TSG101: variants seen among roughly 807,000 people sequenced by gnomAD.
TSG101 encodes tumor susceptibility 101.
In TSG101, 19 loss-of-function variants were observed where a neutral mutation model predicts 48.5. That is an observed-to-expected ratio of 0.39 (90% confidence interval 0.27 to 0.58). The LOEUF is 0.58. Ranked by LOEUF, TSG101 falls within the 20% of genes least tolerant of loss-of-function variation. TSG101 has a pLI of 0.55. For synonymous variants in TSG101, 174 were observed against 169.4 expected (o/e 1.03, Z -0.21); for missense variants, 365 against 484.4 (o/e 0.75, Z 2.31).
At chr11:18,499,322 TTA>T (rs1213347031) in intron 7 of TSG101, among the ~76,000 whole-genome samples, 5 of 122,826 alleles carry the variant, frequency 4.1e-5, no homozygotes, top group African/African-American at 1.2e-4. Flanking sequence ...TTATATATAT[TTA>T]TATATTTATA....
chr11:18,502,410 A>G, intron 7 of TSG101, 76 bp downstream of exon 7: 2 of 1,203,144 alleles, frequency 1.7e-6, no homozygotes, highest in Non-Finnish European at 2.4e-6. Context: ...CAAAATTCAC[A>G]AGTGAAATGT....
intron 1 of TSG101, among the ~76,000 whole-genome samples, chr11:18,524,067 C>T (rs1850325332): frequency 6.6e-6 from 1 of 152,324 alleles, no homozygotes; most frequent in Middle Eastern, 3.4e-3. Context: ...ATTGGGATTA[C>T]AGGCATGAGC....
intron 6 of TSG101, among the ~76,000 whole-genome samples, chr11:18,502,870 C>G (rs1364177904): frequency 6.6e-6 from 1 of 152,178 alleles, no homozygotes; most frequent in Non-Finnish European, 1.5e-5. Flanking sequence ...CCAACAGCAT[C>G]AGAAGCAACA....
At chr11:18,511,705 C>T (rs777680591) in intron 4 of TSG101, among the ~76,000 whole-genome samples, 16 of 152,234 alleles carry the variant, frequency 1.1e-4, no homozygotes, top group East Asian at 1.9e-4. Context: ...TATTATTTCA[C>T]GAAGCTATGC....
At chr11:18,519,729 A>C (rs763370355) in intron 1 of TSG101, 126 bp from the exon 2 acceptor site, 22 of 640,756 alleles carry the variant, frequency 3.4e-5, no homozygotes, top group Non-Finnish European at 5.9e-5. Flanking sequence ...GAACCTAAAA[A>C]ACCCATAATA....
intron 1 of TSG101, among the ~76,000 whole-genome samples, chr11:18,523,866 C>A (rs957693432): frequency 2.6e-5 from 4 of 152,174 alleles, no homozygotes; most frequent in Non-Finnish European, 4.4e-5. Flanking sequence ...TCATAGCTCA[C>A]TGTAACCTTG....
chr11:18,522,565 C>A (rs72871768), intron 1 of TSG101, among the ~76,000 whole-genome samples: 14,684 of 152,250 alleles, frequency 0.096, 734 homozygotes, highest in South Asian at 0.13. Flanking sequence ...AGCCTCCTTA[C>A]GTGTCTCTGC....
chr11:18,487,213 GTAAC>G (rs1254793370), intron 7 of TSG101, among the ~76,000 whole-genome samples: 1 of 150,780 alleles, frequency 6.6e-6, no homozygotes, highest in Admixed American at 6.6e-5. Context: ...GTATACATAT[GTAAC>G]TAACCTGCAT....
At chr11:18,496,542 G>A (rs1849786872) in intron 7 of TSG101, among the ~76,000 whole-genome samples, 1 of 150,500 alleles carries the variant, frequency 6.6e-6, no homozygotes, top group South Asian at 2.2e-4. Flanking sequence ...GTTTCAAAAA[G>A]AACAAGGGAG....
chr11:18,498,846 G>A (rs546349890), intron 7 of TSG101, among the ~76,000 whole-genome samples: 3 of 152,196 alleles, frequency 2.0e-5, no homozygotes, highest in Admixed American at 6.6e-5. Flanking sequence ...AGGAGACTAA[G>A]TATGAATACC....
In TSG101 at chr11:18,526,830, C is replaced by A; in HGVS notation, c.-14G>T. 6.2e-7 allele frequency: 1 copy of A among 1,600,396 alleles called. No homozygotes were observed. Among genetic ancestry groups the A allele is most frequent in the Non-Finnish European group, 8.5e-7 (1 of 1,178,786 alleles). On this transcript the variant is annotated 5_prime_UTR_variant, in exon 1 of 10. Transcript: ENST00000251968. The stretch of plus-strand genomic sequence containing the variant: ...CGACACCGCCATGACGGCCGCCTGG[C>A]GACTCCCTTCCCCGCAGGCAGAGGG...
chr11:18,499,412 T>A (rs1476514171), intron 7 of TSG101, among the ~76,000 whole-genome samples: 11 of 21,268 alleles, frequency 5.2e-4, no homozygotes, highest in African/African-American at 1.3e-3. Context: ...ATTTTTTTTT[T>A]TTTTTTTTTT....
At chr11:18,522,339 A>G (rs1464835357) in intron 1 of TSG101, among the ~76,000 whole-genome samples, 4 of 152,268 alleles carry the variant, frequency 2.6e-5, no homozygotes, top group Admixed American at 2.6e-4. Flanking sequence ...CCCCAAATTT[A>G]CTTCTCCAGT....
Position 18,519,459 on chromosome 11 carries a change from C to G in TSG101, c.127+60G>C, listed in dbSNP as rs1447866561. The G allele has an allele frequency of 2.9e-6, 4 of 1,360,326 alleles. No homozygotes were observed. In the Admixed American group the frequency reaches 8.0e-5, roughly 27 times the overall value. 84.3% of individuals were successfully genotyped at this position (1,360,326 alleles called of 1,614,324 possible). ...AACCTCAAATGGAAAAAATTACAAT[C>G]ATTAACAAAGAGAGTAAACTCAAAG... On this transcript the variant is annotated intron_variant, in intron 2 of 9. Coordinates refer to ENST00000251968, the MANE Select transcript of TSG101 (RefSeq NM_006292.4).
intron 6 of TSG101, among the ~76,000 whole-genome samples, chr11:18,506,338 A>G (rs752017729): frequency 5.3e-5 from 8 of 151,780 alleles, no homozygotes; most frequent in Non-Finnish European, 1.0e-4. Flanking sequence ...ATGGAATGCT[A>G]GTTATAATGA....
chr11:18,517,355 CA>C (rs1850195942), intron 2 of TSG101, among the ~76,000 whole-genome samples: 1 of 152,178 alleles, frequency 6.6e-6, no homozygotes, highest in Non-Finnish European at 1.5e-5. Context: ...ATACCACACA[CA>C]TTTTTCTATC....
intron 5 of TSG101, among the ~76,000 whole-genome samples, chr11:18,509,281 T>G (rs1850029956): frequency 6.6e-6 from 1 of 152,218 alleles, no homozygotes; most frequent in Admixed American, 6.5e-5. Flanking sequence ...TTAAAAATTC[T>G]AGCTCTATTC....
intron 7 of TSG101, among the ~76,000 whole-genome samples, chr11:18,492,897 TA>T (rs1849719935): frequency 6.6e-6 from 1 of 152,144 alleles, no homozygotes; most frequent in African/African-American, 2.4e-5. Flanking sequence ...CACTTTAAGA[TA>T]ATGTTTATGC....
intron 7 of TSG101, among the ~76,000 whole-genome samples, chr11:18,489,513 C>T (rs931869800): frequency 1.3e-5 from 2 of 152,160 alleles, no homozygotes; most frequent in Admixed American, 6.5e-5. Flanking sequence ...TATTGAAGCA[C>T]AAGTTGCAAA....
Sources: allele counts gnomAD v4.1 joint callset (sites outside exome capture counted in the v4.1 genomes callset), GRCh38; gene constraint gnomAD v4.1.1; transcripts MANE v1.5; gene names NCBI Gene and HGNC (gene_info 2026-07-23, HGNC 2026-07-21).